Variants in CDKAL1 observed in about 807,000 individuals in gnomAD.
CDKAL1 encodes CDKAL1 threonylcarbamoyladenosine tRNA methylthiotransferase.
CDKAL1 carries 32 observed loss-of-function variants against 68.2 expected under a neutral mutation model. That is an observed-to-expected ratio of 0.47 (90% CI 0.35 to 0.63). The LOEUF (loss-of-function observed/expected upper bound fraction) is 0.63. Ranked by LOEUF, CDKAL1 falls within the 30% of genes least tolerant of loss-of-function variation. The pLI is 0.00. For missense variants in CDKAL1, 606 were observed against 696.7 expected, an observed-to-expected ratio of 0.87 and a Z score of 1.47; for synonymous variants, 234 against 244.3, an observed-to-expected ratio of 0.96 and a Z score of 0.39.
intron 8 of CDKAL1, among the ~76,000 whole-genome samples, chr6:20,836,200 G>T (rs2150475039): frequency 6.6e-6 from 1 of 152,156 alleles, no homozygotes; most frequent in South Asian, 2.1e-4. Context: ...TTTAGCAGTG[G>T]GAAAAGAAAA....
intron 4 of CDKAL1, among the ~76,000 whole-genome samples, chr6:20,611,936 A>G (rs770699012): frequency 6.6e-6 from 1 of 152,198 alleles, no homozygotes; most frequent in African/African-American, 2.4e-5. Flanking sequence ...TGCGATATCT[A>G]TTATTCTATT....
chr6:20,659,105 G>T, intron 5 of CDKAL1, among the ~76,000 whole-genome samples: 1 of 152,002 alleles, frequency 6.6e-6, no homozygotes, highest in Admixed American at 6.6e-5. Flanking sequence ...AAGTGTTGGG[G>T]ATTACAGGCA....
chr6:20,568,112 C>T (rs1764536027), intron 4 of CDKAL1, among the ~76,000 whole-genome samples: 2 of 151,896 alleles, frequency 1.3e-5, no homozygotes, highest in Non-Finnish European at 2.9e-5. Context: ...CTCCTGACCT[C>T]GTGATCCGCC....
intron 10 of CDKAL1, among the ~76,000 whole-genome samples, chr6:20,973,271 A>G (rs1237824411): frequency 6.6e-6 from 1 of 152,206 alleles, no homozygotes; most frequent in Non-Finnish European, 1.5e-5. Flanking sequence ...TACCTTAAAA[A>G]CAATGTATCA....
intron 15 of CDKAL1, among the ~76,000 whole-genome samples, chr6:21,209,274 G>T (rs1341122766): frequency 6.6e-6 from 1 of 152,134 alleles, no homozygotes; most frequent in Non-Finnish European, 1.5e-5. Context: ...TCCATCCTTT[G>T]TCCACGTTCA....
chr6:21,100,185 G>A (rs1055510350), intron 12 of CDKAL1, among the ~76,000 whole-genome samples: 3 of 151,230 alleles, frequency 2.0e-5, no homozygotes, highest in African/African-American at 4.9e-5. Context: ...TTTAGAAACC[G>A]TAAGGCTGAA....
intron 13 of CDKAL1, among the ~76,000 whole-genome samples, chr6:21,132,848 G>A (rs985284795): frequency 6.6e-6 from 1 of 152,088 alleles, no homozygotes; most frequent in Non-Finnish European, 1.5e-5. Flanking sequence ...TGGCTGTTAG[G>A]AAGTCGAACC....
intron 11 of CDKAL1, among the ~76,000 whole-genome samples, chr6:21,062,128 G>A (rs949442402): frequency 1.3e-5 from 2 of 152,122 alleles, no homozygotes; most frequent in African/African-American, 4.8e-5. Context: ...AAGGATAGAG[G>A]GAAAATCAGT....
intron 15 of CDKAL1, among the ~76,000 whole-genome samples, chr6:21,204,223 T>A (rs1019171937): frequency 1.3e-5 from 2 of 152,164 alleles, no homozygotes; most frequent in African/African-American, 4.8e-5. Flanking sequence ...ATGGAAATTT[T>A]ATGAACATTT....
At chr6:21,062,940 A>T (rs995255022) in intron 11 of CDKAL1, among the ~76,000 whole-genome samples, 1 of 151,652 alleles carries the variant, frequency 6.6e-6, no homozygotes, top group Non-Finnish European at 1.5e-5. Flanking sequence ...TTTGAGACGA[A>T]GTCTTGTTCT....
rs115448462 is a variant in CDKAL1 at position 20,854,682 on chromosome 6, G to A, written c.742+8504G>A. Among the ~76,000 whole-genome samples the A allele has an allele frequency of 5.2e-3, 794 of 152,244 alleles. 9 individuals carry two copies. Among genetic ancestry groups the A allele is most frequent in the African/African-American group, 0.018 (753 of 41,532 alleles). On this transcript the variant is annotated intron_variant, in intron 9 of 15. Coordinates refer to ENST00000274695, the MANE Select transcript of CDKAL1 (RefSeq NM_017774.3). ...TAGTTCAGAGTATGTATAGTCCAACGCACAGAAAATCTGCTGCTTCTGGAA... is the reference window on the plus strand; with the variant it reads ...TAGTTCAGAGTATGTATAGTCCAACACACAGAAAATCTGCTGCTTCTGGAA...
intron 5 of CDKAL1, chr6:20,723,427 C>T (rs1164687709): frequency 4.6e-5 from 7 of 152,556 alleles, no homozygotes; most frequent in Admixed American, 6.5e-5. Flanking sequence ...GCTCCTGTGT[C>T]GGCATCTGGA....
intron 11 of CDKAL1, among the ~76,000 whole-genome samples, chr6:21,058,930 C>T (rs551360848): frequency 6.6e-6 from 1 of 152,334 alleles, no homozygotes; most frequent in South Asian, 2.1e-4. Flanking sequence ...CTCTGGCTGC[C>T]CCTTGGTGGA....
intron 5 of CDKAL1, among the ~76,000 whole-genome samples, chr6:20,719,754 G>T (rs1352674394): frequency 6.6e-6 from 1 of 152,234 alleles, no homozygotes; most frequent in South Asian, 2.1e-4. Context: ...AACATTGCCA[G>T]CCACTCTGGA....
rs56094461 is a variant in CDKAL1, at chr6:20,868,785, G to A, written c.742+22607G>A. Among the ~76,000 whole-genome samples, 8 of 152,312 alleles carry A rather than the reference G, an allele frequency of 5.3e-5. No individual in the cohort carries two copies. The South Asian group carries it at 1.7e-3, about 32-fold the overall frequency. On this transcript the variant is annotated intron_variant, in intron 9 of 15. Coordinates refer to ENST00000274695, the MANE Select transcript of CDKAL1 (RefSeq NM_017774.3). ...TAATTTACCCTCTGCGGTTTTATCA[G>A]CATGGGCCGTGTGTTAGAAGTGACT...
At chr6:20,709,096 G>A (rs1233741487) in intron 5 of CDKAL1, among the ~76,000 whole-genome samples, 2 of 151,774 alleles carry the variant, frequency 1.3e-5, no homozygotes. Flanking sequence ...CCCAGAGCCT[G>A]GAAGTGTGCT....
chr6:20,705,520 A>G (rs954574652), intron 5 of CDKAL1, among the ~76,000 whole-genome samples: 1 of 152,214 alleles, frequency 6.6e-6, no homozygotes, highest in Non-Finnish European at 1.5e-5. Flanking sequence ...TTATTTAAAT[A>G]CCATATAAAG....
intron 11 of CDKAL1, among the ~76,000 whole-genome samples, chr6:21,046,483 G>C (rs1278519012): frequency 6.6e-6 from 1 of 152,224 alleles, no homozygotes; most frequent in Non-Finnish European, 1.5e-5. Flanking sequence ...GTCAGGAAGA[G>C]TCTAGGAGTG....
At chr6:20,885,916 C>T (rs1361961226) in intron 9 of CDKAL1, among the ~76,000 whole-genome samples, 2 of 152,006 alleles carry the variant, frequency 1.3e-5, no homozygotes, top group Non-Finnish European at 2.9e-5. Context: ...AACCCCATCT[C>T]TATTAAAAAT....
Sources: allele counts gnomAD v4.1 joint callset (sites outside exome capture counted in the v4.1 genomes callset), GRCh38; gene constraint gnomAD v4.1.1; transcripts MANE v1.5; gene names NCBI Gene and HGNC (gene_info 2026-07-23, HGNC 2026-07-21).